RRAS2: variants seen among roughly 807,000 people sequenced by gnomAD.
The protein encoded by RRAS2 is RAS related 2.
RRAS2 carries 7 observed loss-of-function variants against 27.6 expected under a neutral mutation model. The observed-to-expected ratio is 0.25, with a 90% CI of 0.14 to 0.48. RRAS2 has a LOEUF of 0.48. Ranked by LOEUF, RRAS2 falls within the 20% of genes least tolerant of loss-of-function variation. The pLI is 0.99. For synonymous variants in RRAS2, 86 were observed against 90.9 expected (o/e 0.95, Z 0.31); for missense variants, 178 against 256.2 (o/e 0.69, Z 2.08).
chr11:14,309,333 T>A (rs1235046735), intron 1 of RRAS2, among the ~76,000 whole-genome samples: 1 of 152,192 alleles, frequency 6.6e-6, no homozygotes, highest in Non-Finnish European at 1.5e-5. Flanking sequence ...CTAGGCTCAC[T>A]CACCACCCCA....
At chr11:14,322,276 CAA>C (rs34223441) in intron 1 of RRAS2, among the ~76,000 whole-genome samples, 6 of 139,456 alleles carry the variant, frequency 4.3e-5, no homozygotes, top group African/African-American at 5.4e-5. Flanking sequence ...ACCAAAAATA[CAA>C]AAAAAAAAAA....
At chr11:14,344,802 G>A (rs141740784) in intron 1 of RRAS2, among the ~76,000 whole-genome samples, 194 of 152,072 alleles carry the variant, frequency 1.3e-3, no homozygotes, top group African/African-American at 4.3e-3. Context: ...CGAATGCTAC[G>A]GATCAACTTC....
At chr11:14,312,822 C>G (rs568487255) in intron 1 of RRAS2, among the ~76,000 whole-genome samples, 1 of 152,182 alleles carries the variant, frequency 6.6e-6, no homozygotes, top group Non-Finnish European at 1.5e-5. Context: ...TGTTGTTTTA[C>G]TTTCCTAATA....
Position 14,339,296 on chromosome 11 carries a change from G to A in RRAS2, c.108+19467C>T, listed in dbSNP as rs1433262105. Among the ~76,000 whole-genome samples, 121 of 112,126 alleles carry A rather than the reference G, an allele frequency of 1.1e-3. 2 individuals are homozygous for A. Among genetic ancestry groups the A allele is most frequent in the Non-Finnish European group, 4.3e-4 (22 of 50,594 alleles). The allele number at this position is 112,126 out of a possible 152,430, so 73.6% of individuals were successfully genotyped here. On this transcript the variant is annotated intron_variant, in intron 1 of 5. Transcript: ENST00000256196. ...CTCTACCAAAAAAAAAAAAAAAAGG[G>A]GGGGGGGGGAAGAAAAAATCTATAA...
At position 14,355,030 on chromosome 11, in the gene RRAS2, G is replaced by C. The variant is rs1023004743; in HGVS notation, c.108+3733C>G. On this transcript the variant is annotated intron_variant, in intron 1 of 5. Coordinates refer to ENST00000256196, the MANE Select transcript of RRAS2 (RefSeq NM_012250.6). ...TGGCACGGTGCTGGATGATTTACCT[G>C]CATTATTTTATTTACTCCAAAAACC... Among the ~76,000 whole-genome samples the C allele has an allele frequency of 2.0e-5, 3 of 151,910 alleles. No individual in the cohort carries two copies. In the East Asian group the frequency reaches 5.8e-4, roughly 29 times the overall value.
At chr11:14,333,955 G>A (rs782161717) in intron 1 of RRAS2, among the ~76,000 whole-genome samples, 43 of 152,144 alleles carry the variant, frequency 2.8e-4, no homozygotes, top group Non-Finnish European at 5.7e-4. Flanking sequence ...ATGAGCATTA[G>A]CTTACCAGTC....
intron 4 of RRAS2, among the ~76,000 whole-genome samples, chr11:14,288,546 AG>A (rs1241891905): frequency 1.3e-5 from 2 of 152,224 alleles, no homozygotes; most frequent in African/African-American, 2.4e-5. Flanking sequence ...TACTTCCTAG[AG>A]GTTCCTCAAC....
Position 14,358,490 on chromosome 11 carries a change from T to A in RRAS2, c.108+273A>T. On this transcript the variant is annotated intron_variant, in intron 1 of 5. Transcript: ENST00000256196. This position sits in a 1 kb window ranked among gnomAD's most constrained non-coding sequence, Gnocchi z 5.1. Reference sequence around the variant, plus strand: ...TCTGGCCTCGGCCAGAGCAATAAGGTGGATCGGTGCTTCCCACCCTTCCAG... The same window carrying A: ...TCTGGCCTCGGCCAGAGCAATAAGGAGGATCGGTGCTTCCCACCCTTCCAG... The A allele has an allele frequency of 8.1e-6, 8 of 985,282 alleles. No homozygotes were observed. Among genetic ancestry groups the A allele is most frequent in the Non-Finnish European group, 9.6e-6 (8 of 830,090 alleles). 61.0% of individuals were successfully genotyped at this position (985,282 alleles called of 1,614,324 possible). A position where few individuals can be genotyped will look rare whatever the true frequency, so the allele number is the denominator to read the frequency against.
intron 1 of RRAS2, among the ~76,000 whole-genome samples, chr11:14,322,840 A>G (rs1848257264): frequency 6.6e-6 from 1 of 152,230 alleles, no homozygotes; most frequent in African/African-American, 2.4e-5. Flanking sequence ...AAAAATGACC[A>G]TCAATCCAAT....
At chr11:14,362,329 A>G (rs540237445), upstream of RRAS2, among the ~76,000 whole-genome samples, 2 of 152,130 alleles carry the variant, frequency 1.3e-5, no homozygotes, top group East Asian at 1.9e-4. Flanking sequence ...TGTTCCCTAT[A>G]TTAACTCTAT....
At chr11:14,356,730 T>C (rs1344912779) in intron 1 of RRAS2, 1 of 452,710 alleles carries the variant, frequency 2.2e-6, no homozygotes, top group African/African-American at 2.0e-5. Flanking sequence ...ATCCAGGTAC[T>C]ATACTATTCA....
chr11:14,341,791 T>C (rs537911183), intron 1 of RRAS2: 5 of 454,026 alleles, frequency 1.1e-5, no homozygotes, highest in African/African-American at 8.0e-5. Context: ...TATGAAAAAA[T>C]ATAAATACGC....
chr11:14,333,481 G>GA (rs782378210), intron 1 of RRAS2, among the ~76,000 whole-genome samples: 3 of 151,642 alleles, frequency 2.0e-5, no homozygotes, highest in African/African-American at 7.3e-5. Flanking sequence ...ACACAGAAAA[G>GA]AAAAAAACAA....
At chr11:14,324,427 C>CAA (rs77185501) in intron 1 of RRAS2, among the ~76,000 whole-genome samples, 7 of 90,510 alleles carry the variant, frequency 7.7e-5, no homozygotes, top group Admixed American at 2.3e-4. Flanking sequence ...AAACAGAGGC[C>CAA]AAAAAAAAAA....
At chr11:14,309,442 T>C (rs782399000) in intron 1 of RRAS2, among the ~76,000 whole-genome samples, 2 of 152,190 alleles carry the variant, frequency 1.3e-5, no homozygotes, top group Non-Finnish European at 2.9e-5. Flanking sequence ...TGGCAGTTTC[T>C]TGAAGTATTG....
chr11:14,305,515 T>A (rs1252260673), intron 1 of RRAS2, among the ~76,000 whole-genome samples: 1 of 152,220 alleles, frequency 6.6e-6, no homozygotes, highest in Admixed American at 6.5e-5. Context: ...GTACCACTTG[T>A]ATACCCCAGC....
At chr11:14,314,081 C>T (rs1848038848) in intron 1 of RRAS2, among the ~76,000 whole-genome samples, 1 of 152,182 alleles carries the variant, frequency 6.6e-6, no homozygotes, top group Admixed American at 6.5e-5. Context: ...AGCCCATCTT[C>T]ACAATCTCTC....
At chr11:14,346,426 G>T (rs1017903192) in intron 1 of RRAS2, among the ~76,000 whole-genome samples, 2 of 152,172 alleles carry the variant, frequency 1.3e-5, no homozygotes, top group Non-Finnish European at 2.9e-5. Context: ...AATGATAAGA[G>T]AATGCTGCAA....
At position 14,312,837 on chromosome 11, in the gene RRAS2, G is replaced by A. The variant is rs555988591; in HGVS notation, c.109-16982C>T. ...TGTTGTTTTACTTTCCTAATAATAC[G>A]AAGAACTAAATTCCTCATCAAGTTC... On this transcript the variant is annotated intron_variant, in intron 1 of 5. Coordinates refer to ENST00000256196, the MANE Select transcript of RRAS2 (RefSeq NM_012250.6). Among the ~76,000 whole-genome samples the A allele has an allele frequency of 9.2e-5, 14 of 152,222 alleles. No homozygotes were observed. The South Asian group carries it at 2.5e-3, about 27-fold the overall frequency.
Sources: gnomAD v4.1 joint callset for allele counts (sites outside exome capture counted in the v4.1 genomes callset) on GRCh38, gnomAD v4.1.1 for gene constraint, Gnocchi (gnomAD v3.1) non-coding constraint, MANE v1.5 for transcripts, NCBI Gene and HGNC (gene_info 2026-07-23, HGNC 2026-07-21) for gene names.